LGSN: variants seen among roughly 807,000 people sequenced by gnomAD.
LGSN encodes the protein lengsin, lens protein with glutamine synthetase domain.
In LGSN, 21 loss-of-function variants were observed where a neutral mutation model predicts 19.5. The ratio of observed to expected loss-of-function variants is 1.07; its 90% CI spans 0.76 to 1.55. The LOEUF (loss-of-function observed/expected upper bound fraction) is 1.55. Ranked by LOEUF, LGSN falls within the 40% of genes most tolerant of loss-of-function variation. The pLI is 0.00. For synonymous variants in LGSN, 257 were observed against 215.6 expected (o/e 1.19, Z -1.68); for missense variants, 673 against 608.5 (o/e 1.11, Z -1.12).
chr6:63,390,928 ATCTC>A, the LGSN span, among the ~76,000 whole-genome samples: 4 of 151,822 alleles, frequency 2.6e-5, no homozygotes, highest in South Asian at 6.2e-4. Flanking sequence ...TAACTTTCTT[ATCTC>A]TCTCCATTCA....
chr6:63,328,525 T>C, the LGSN span, among the ~76,000 whole-genome samples: 1 of 152,224 alleles, frequency 6.6e-6, no homozygotes, highest in Non-Finnish European at 1.5e-5. Context: ...CTTGTATTAT[T>C]TTGATAGCCT....
Position 63,279,988 on chromosome 6 carries a change from T to C in LGSN, c.*33A>G. ...TGGTAGATTAGCTTTAAGTAACAATTACATGTCTAAAGGAGTAGTTGTGAG... is the reference window on the plus strand; with the variant it reads ...TGGTAGATTAGCTTTAAGTAACAATCACATGTCTAAAGGAGTAGTTGTGAG... On this transcript the variant is annotated 3_prime_UTR_variant, in exon 4 of 4. Transcript: ENST00000370657. 6.6e-7 allele frequency: 1 copy of C among 1,513,278 alleles called. No homozygotes were observed. Among genetic ancestry groups the C allele is most frequent in the African/African-American group, 1.4e-5 (1 of 71,684 alleles). 93.7% of individuals were successfully genotyped at this position (1,513,278 alleles called of 1,614,324 possible).
chr6:63,420,262 C>T, the LGSN span, among the ~76,000 whole-genome samples: 1 of 152,082 alleles, frequency 6.6e-6, no homozygotes, highest in African/African-American at 2.4e-5. Flanking sequence ...CTTCTGCATC[C>T]CCCCGGCCCC....
the LGSN span, among the ~76,000 whole-genome samples, chr6:63,456,277 C>T: frequency 1.4e-5 from 2 of 144,856 alleles, no homozygotes; most frequent in African/African-American, 5.2e-5. Flanking sequence ...GTAACTTCTG[C>T]TAATTGGAGC....
At chr6:63,328,962 A>C in the LGSN span, among the ~76,000 whole-genome samples, 2 of 152,224 alleles carry the variant, frequency 1.3e-5, no homozygotes, top group Non-Finnish European at 2.9e-5. Context: ...GGCTGTATTC[A>C]TTCCTTGCTG....
chr6:63,409,231 T>A, the LGSN span, among the ~76,000 whole-genome samples: 1 of 152,306 alleles, frequency 6.6e-6, no homozygotes, highest in Admixed American at 6.5e-5. Flanking sequence ...TTTTGTAATG[T>A]CATAAATACA....
chr6:63,372,884 A>G, the LGSN span, among the ~76,000 whole-genome samples: 4 of 152,330 alleles, frequency 2.6e-5, no homozygotes, highest in Middle Eastern at 3.4e-3. Context: ...GTAGATTTTT[A>G]TTATACATCA....
At chr6:63,536,103 C>A in the LGSN span, among the ~76,000 whole-genome samples, 1 of 151,686 alleles carries the variant, frequency 6.6e-6, no homozygotes, top group Non-Finnish European at 1.5e-5. Flanking sequence ...AGGCCGAGGC[C>A]GGTGCATCAC....
chr6:63,366,620 C>A, the LGSN span, among the ~76,000 whole-genome samples: 1 of 152,190 alleles, frequency 6.6e-6, no homozygotes, highest in East Asian at 1.9e-4. Flanking sequence ...AAAAAAGAGC[C>A]CGCATTGCCA....
At chr6:63,390,347 C>T in the LGSN span, among the ~76,000 whole-genome samples, 5 of 151,340 alleles carry the variant, frequency 3.3e-5, no homozygotes, top group African/African-American at 1.2e-4. Context: ...CCAGGCTGGT[C>T]TCAAACTCCT....
chr6:63,547,942 T>G, the LGSN span, among the ~76,000 whole-genome samples: 39 of 152,164 alleles, frequency 2.6e-4, no homozygotes, highest in Non-Finnish European at 4.9e-4. Flanking sequence ...ACCCTTAAAG[T>G]TCCCCATTAT....
At chr6:63,324,755 G>A (rs943684270), upstream of LGSN, among the ~76,000 whole-genome samples, 3 of 151,790 alleles carry the variant, frequency 2.0e-5, no homozygotes, top group Non-Finnish European at 4.4e-5. Context: ...AAAATGTGTG[G>A]GGTACAGCAA....
chr6:63,477,970 T>G, the LGSN span, among the ~76,000 whole-genome samples: 1 of 152,086 alleles, frequency 6.6e-6, no homozygotes, highest in African/African-American at 2.4e-5. Flanking sequence ...CTCCCCCTAC[T>G]CATCTTCTTC....
At chr6:63,456,380 T>C in the LGSN span, among the ~76,000 whole-genome samples, 1 of 124,214 alleles carries the variant, frequency 8.1e-6, no homozygotes, top group Non-Finnish European at 1.6e-5. Flanking sequence ...TATATATATA[T>C]ATATATATAT....
At chr6:63,302,865 G>A (rs188020249) in intron 1 of LGSN, among the ~76,000 whole-genome samples, 34 of 152,138 alleles carry the variant, frequency 2.2e-4, no homozygotes, top group African/African-American at 7.2e-4. Flanking sequence ...GGTGGCTTTC[G>A]CCTGTAATCT....
the LGSN span, among the ~76,000 whole-genome samples, chr6:63,461,724 T>C: frequency 6.6e-6 from 1 of 152,206 alleles, no homozygotes; most frequent in Admixed American, 6.5e-5. Flanking sequence ...CTGGTCTTCA[T>C]ACCCCACGGC....
chr6:63,300,497 C>T (rs1465099619), intron 1 of LGSN, among the ~76,000 whole-genome samples: 1 of 151,876 alleles, frequency 6.6e-6, no homozygotes, highest in Non-Finnish European at 1.5e-5. Flanking sequence ...TGAGATGCAA[C>T]TCTACAAAAT....
the LGSN span, among the ~76,000 whole-genome samples, chr6:63,479,015 G>A: frequency 1.3e-5 from 2 of 152,316 alleles, no homozygotes; most frequent in African/African-American, 4.8e-5. Flanking sequence ...TCTCAGAAGA[G>A]CCAAGAAACA....
chr6:63,297,164 A>AC (rs1349866672), intron 1 of LGSN, among the ~76,000 whole-genome samples: 1 of 151,724 alleles, frequency 6.6e-6, no homozygotes. Flanking sequence ...ACATGGTGAA[A>AC]CCCCATCTCT....
Sources: allele counts gnomAD v4.1 joint callset (sites outside exome capture counted in the v4.1 genomes callset), GRCh38; gene constraint gnomAD v4.1.1; transcripts MANE v1.5; gene names NCBI Gene and HGNC (gene_info 2026-07-23, HGNC 2026-07-21).